NUDCD1: variants seen among roughly 807,000 people sequenced by gnomAD.
NUDCD1 encodes NudC domain containing 1.
A neutral mutation model predicts 67.8 loss-of-function variants in NUDCD1; 60 were observed. That is an observed-to-expected ratio of 0.88 (90% CI 0.72 to 1.10). The LOEUF (loss-of-function observed/expected upper bound fraction) is 1.10, where lower values mean the gene tolerates loss of function less well. Ranked by LOEUF, NUDCD1 falls within the 50% of genes least tolerant of loss-of-function variation. The pLI, the probability that NUDCD1 is intolerant of heterozygous loss-of-function variation, is 0.00. For missense variants in NUDCD1, 643 were observed against 695.0 expected (o/e 0.93, Z 0.84); for synonymous variants, 244 against 230.8 (o/e 1.06, Z -0.52).
At chr8:109,320,885 C>CA (rs1228012611) in intron 2 of NUDCD1, among the ~76,000 whole-genome samples, 1 of 151,948 alleles carries the variant, frequency 6.6e-6, no homozygotes, top group Admixed American at 6.6e-5. Context: ...TTTATACTTG[C>CA]AAAAAACAAC....
chr8:109,320,612 T>A (rs1207197907), intron 2 of NUDCD1, among the ~76,000 whole-genome samples: 1 of 152,134 alleles, frequency 6.6e-6, no homozygotes, highest in African/African-American at 2.4e-5. Context: ...GACATCCTCC[T>A]CAGCTGACAG....
At chr8:109,313,252 G>A (rs1186819239) in intron 2 of NUDCD1, among the ~76,000 whole-genome samples, 1 of 152,060 alleles carries the variant, frequency 6.6e-6, no homozygotes, top group African/African-American at 2.4e-5. Context: ...AGCATTGGCA[G>A]GCAAATGGTT....
intron 8 of NUDCD1, among the ~76,000 whole-genome samples, chr8:109,251,044 G>A (rs1030399672): frequency 6.6e-5 from 10 of 152,046 alleles, no homozygotes; most frequent in African/African-American, 2.4e-4. Context: ...AATTGGTATT[G>A]TTTCTTCATT....
At chr8:109,289,706 A>G in intron 5 of NUDCD1, 45 bp downstream of exon 5, 1 of 977,232 alleles carries the variant, frequency 1.0e-6, no homozygotes, top group Non-Finnish European at 1.6e-6. Context: ...ACATAAATAT[A>G]TGTTTATGAA....
chr8:109,292,677 C>G (rs1332253991), intron 4 of NUDCD1, among the ~76,000 whole-genome samples: 1 of 152,002 alleles, frequency 6.6e-6, no homozygotes, highest in Non-Finnish European at 1.5e-5. Context: ...AGAAAACACT[C>G]AATGAGTCAG....
intron 1 of NUDCD1, among the ~76,000 whole-genome samples, chr8:109,328,704 C>A (rs1189104171): frequency 6.6e-6 from 1 of 152,078 alleles, no homozygotes; most frequent in African/African-American, 2.4e-5. Flanking sequence ...TGCTCCTGAT[C>A]GGACTAACAA....
rs1814649499 is a variant in NUDCD1 at position 109,289,408 on chromosome 8, T to TA, written c.823+342dup. ...CAGGTACATTAGCTTAACTTATTTT[T>TA]AAAAATTAGTATCTTCAATATTACA... On this transcript the variant is annotated intron_variant, in intron 5 of 9. Transcript: ENST00000239690. Among the ~76,000 whole-genome samples the TA allele has an allele frequency of 2.0e-5, 3 of 152,206 alleles. No homozygotes were observed. In the South Asian group the frequency reaches 6.2e-4, roughly 31 times the overall value.
intron 2 of NUDCD1, among the ~76,000 whole-genome samples, chr8:109,321,465 G>A (rs751637967): frequency 1.3e-5 from 2 of 151,856 alleles, no homozygotes; most frequent in Non-Finnish European, 2.9e-5. Context: ...AATACAAACA[G>A]GTTTAAATAA....
At chr8:109,308,438 C>G (rs1372924804) in intron 2 of NUDCD1, among the ~76,000 whole-genome samples, 3 of 151,964 alleles carry the variant, frequency 2.0e-5, no homozygotes, top group African/African-American at 7.3e-5. Context: ...CAAGAACAAA[C>G]CAAACCCAAA....
intron 5 of NUDCD1, among the ~76,000 whole-genome samples, chr8:109,283,159 G>T (rs1252868424): frequency 2.6e-5 from 4 of 152,172 alleles, no homozygotes; most frequent in Non-Finnish European, 4.4e-5. Context: ...ACAATTGAAA[G>T]CTTTATCAAC....
intron 2 of NUDCD1, among the ~76,000 whole-genome samples, chr8:109,314,663 C>A (rs1251043437): frequency 6.6e-6 from 1 of 152,028 alleles, no homozygotes; most frequent in African/African-American, 2.4e-5. Flanking sequence ...TTGAATGTAA[C>A]TACTATATTC....
intron 1 of NUDCD1, among the ~76,000 whole-genome samples, chr8:109,333,670 G>A (rs550154687): frequency 6.6e-6 from 1 of 152,322 alleles, no homozygotes; most frequent in Middle Eastern, 3.4e-3. Flanking sequence ...GGCTGCTGAC[G>A]GAGGGGGCCC....
intron 7 of NUDCD1, 113 bp from the exon 8 acceptor site, chr8:109,271,243 C>A: frequency 3.2e-6 from 2 of 616,736 alleles, no homozygotes; most frequent in Non-Finnish European, 5.5e-6. Context: ...GAATTGCAAA[C>A]CTATGACCAA....
Position 109,243,104 on chromosome 8 carries a change from TGGTTTCTAG to T in NUDCD1, c.1648_1656del (p.Leu550_Thr552del). On this transcript the variant is annotated inframe_deletion, in exon 10 of 10. Transcript: ENST00000239690. ...GCCTGAAATCCTAAAATAGGATCAT[TGGTTTCTAG>T]GCTTGCTACTTGCTGCTTAGCAACC... 1 of 1,613,732 alleles carries T rather than the reference TGGTTTCTAG, an allele frequency of 6.2e-7. No homozygotes were observed. Among genetic ancestry groups the T allele is most frequent in the Non-Finnish European group, 8.5e-7 (1 of 1,179,662 alleles).
intron 5 of NUDCD1, among the ~76,000 whole-genome samples, chr8:109,286,542 A>G (rs1376635718): frequency 2.6e-5 from 4 of 152,142 alleles, no homozygotes; most frequent in Non-Finnish European, 4.4e-5. Context: ...AGGAGTCCCT[A>G]TTCAATAAGG....
intron 8 of NUDCD1, among the ~76,000 whole-genome samples, chr8:109,253,168 T>A (rs900238602): frequency 6.6e-6 from 1 of 152,194 alleles, no homozygotes; most frequent in African/African-American, 2.4e-5. Flanking sequence ...CCATACTGAA[T>A]GGTGGTTAGC....
chr8:109,333,375 TG>T (rs754727413), intron 1 of NUDCD1, among the ~76,000 whole-genome samples: 4 of 152,222 alleles, frequency 2.6e-5, no homozygotes, highest in Non-Finnish European at 5.9e-5. Context: ...CTTCTAGAGA[TG>T]TTCTCTACCA....
At chr8:109,295,089 T>C (rs1197844686) in intron 3 of NUDCD1, among the ~76,000 whole-genome samples, 1 of 152,114 alleles carries the variant, frequency 6.6e-6, no homozygotes, top group Admixed American at 6.5e-5. Flanking sequence ...AATTAAGTTT[T>C]TAAATTTATT....
intron 2 of NUDCD1, among the ~76,000 whole-genome samples, chr8:109,297,884 G>A (rs1234504155): frequency 4.6e-5 from 7 of 152,046 alleles, no homozygotes; most frequent in Admixed American, 2.0e-4. Context: ...AACTTTACAA[G>A]TTTTTCTATA....
Sources: allele counts gnomAD v4.1 joint callset (sites outside exome capture counted in the v4.1 genomes callset), GRCh38; gene constraint gnomAD v4.1.1; transcripts MANE v1.5; gene names NCBI Gene and HGNC (gene_info 2026-07-23, HGNC 2026-07-21).